SOX5: variants seen among roughly 807,000 people sequenced by gnomAD.
SOX5 encodes the protein transcription factor SOX-5.
SOX5 carries 9 observed loss-of-function variants against 92.0 expected under a neutral mutation model. The ratio of observed to expected loss-of-function variants is 0.10; its 90% CI spans 0.06 to 0.17. The LOEUF is 0.17. Ranked by LOEUF, SOX5 falls within the 10% of genes least tolerant of loss-of-function variation. The probability of loss-of-function intolerance (pLI) is 1.00; values close to 1 mark genes in which losing one functional copy is unlikely to be tolerated. For missense variants in SOX5, 642 were observed against 944.5 expected, an observed-to-expected ratio of 0.68 and a Z score of 4.20; for synonymous variants, 344 against 336.3, an observed-to-expected ratio of 1.02 and a Z score of -0.25.
At chr12:24,292,706 T>C (rs1355976682) in intron 2 of SOX5, among the ~76,000 whole-genome samples, 1 of 152,234 alleles carries the variant, frequency 6.6e-6, no homozygotes, top group Non-Finnish European at 1.5e-5. Flanking sequence ...CTTCCATCTT[T>C]ACAACTGGAT....
At chr12:24,384,156 T>C (rs1188236881) in intron 1 of SOX5, among the ~76,000 whole-genome samples, 2 of 152,224 alleles carry the variant, frequency 1.3e-5, no homozygotes, top group African/African-American at 4.8e-5. Context: ...AATTACCCAG[T>C]CTCAGATATT....
In SOX5 at chr12:23,644,630, G is replaced by A. The variant is rs571495484; in HGVS notation, c.932-3733C>T. On this transcript the variant is annotated intron_variant, in intron 7 of 14. Coordinates refer to ENST00000451604, the MANE Select transcript of SOX5 (RefSeq NM_006940.6). ...TATGTAGAAAAATTATACCATGCTCGTATGCTAATGAGAAAGATTCAGTAA... is the reference window on the plus strand; with the variant it reads ...TATGTAGAAAAATTATACCATGCTCATATGCTAATGAGAAAGATTCAGTAA... Among the ~76,000 whole-genome samples the A allele has an allele frequency of 5.9e-5, 9 of 152,238 alleles. No homozygotes were observed. In the East Asian group the frequency reaches 7.7e-4, roughly 13 times the overall value.
chr12:23,984,079 C>G (rs1949844530), intron 4 of SOX5, among the ~76,000 whole-genome samples: 1 of 152,082 alleles, frequency 6.6e-6, no homozygotes, highest in African/African-American at 2.4e-5. Context: ...TCTCTCAATA[C>G]TTCATTCCTC....
chr12:23,708,330 A>C (rs1274213955), intron 6 of SOX5, among the ~76,000 whole-genome samples: 1 of 152,020 alleles, frequency 6.6e-6, no homozygotes, highest in African/African-American at 2.4e-5. Context: ...AAAAAAAAAC[A>C]AACACAGAGG....
intron 1 of SOX5, among the ~76,000 whole-genome samples, chr12:24,492,315 C>T (rs1947175238): frequency 6.6e-6 from 1 of 152,124 alleles, no homozygotes; most frequent in Non-Finnish European, 1.5e-5. Flanking sequence ...CTCATTCCCC[C>T]AATTTAAAGG....
chr12:23,652,517 G>GTTTTTTTTTTT lies in SOX5; in HGVS notation c.932-11631_932-11621dup, dbSNP rs3030242. Among the ~76,000 whole-genome samples the GTTTTTTTTTTT allele has an allele frequency of 1.9e-3, 260 of 140,032 alleles. 1 individual carries two copies. The highest frequency in any genetic ancestry group is 6.5e-3 in the African/African-American group (245 of 37,552). 91.9% of individuals were successfully genotyped at this position (140,032 alleles called of 152,430 possible). ...GACTGTAGCCTAGACCTCTTCTACTGTTTTTTTTTTTTTTTGAGCAATTCT... is the reference window on the plus strand; with the variant it reads ...GACTGTAGCCTAGACCTCTTCTACTGTTTTTTTTTTTTTTTTTTTTTTTTTTGAGCAATTCT... On this transcript the variant is annotated intron_variant, in intron 7 of 14. Coordinates refer to ENST00000451604, the MANE Select transcript of SOX5 (RefSeq NM_006940.6).
At chr12:24,518,073 C>CTT (rs59086253) in intron 1 of SOX5, among the ~76,000 whole-genome samples, 1 of 146,074 alleles carries the variant, frequency 6.8e-6, no homozygotes, top group African/African-American at 2.5e-5. Context: ...ACACTTTAGA[C>CTT]TTTTTTTTTT....
chr12:24,243,711 T>A (rs1046685638), intron 3 of SOX5, among the ~76,000 whole-genome samples: 1 of 152,130 alleles, frequency 6.6e-6, no homozygotes, highest in African/African-American at 2.4e-5. Flanking sequence ...TAAGTATACA[T>A]GTGATTATGT....
chr12:23,729,094 T>G (rs547081700), intron 6 of SOX5, among the ~76,000 whole-genome samples: 1 of 152,166 alleles, frequency 6.6e-6, no homozygotes, highest in African/African-American at 2.4e-5. Flanking sequence ...TGCCCATCAT[T>G]GGAAATACAG....
intron 1 of SOX5, among the ~76,000 whole-genome samples, chr12:24,515,830 T>C (rs180771908): frequency 1.4e-4 from 22 of 152,314 alleles, no homozygotes; most frequent in Admixed American, 5.2e-4. Context: ...AACTGTTCAA[T>C]TACAAGCGAG....
chr12:24,404,742 C>T (rs770707231), intron 1 of SOX5, among the ~76,000 whole-genome samples: 8 of 152,124 alleles, frequency 5.3e-5, no homozygotes, highest in Non-Finnish European at 7.3e-5. Flanking sequence ...GAAGTAATTG[C>T]GCTCCTCTGA....
chr12:23,979,258 C>G (rs1393140834), intron 4 of SOX5, among the ~76,000 whole-genome samples: 1 of 152,138 alleles, frequency 6.6e-6, no homozygotes, highest in African/African-American at 2.4e-5. Context: ...GAGTCTTACT[C>G]TGTCAGCCAG....
At chr12:24,287,322 T>C (rs546505118) in intron 2 of SOX5, among the ~76,000 whole-genome samples, 3 of 150,632 alleles carry the variant, frequency 2.0e-5, no homozygotes, top group Admixed American at 6.6e-5. Flanking sequence ...ATATTCATTT[T>C]TGAAAAATTT....
chr12:23,842,841 C>G (rs55928963), intron 3 of SOX5, among the ~76,000 whole-genome samples: 12,831 of 152,150 alleles, frequency 0.084, 739 homozygotes, highest in African/African-American at 0.15. Context: ...GACAATCCAG[C>G]TCTAGTAACA....
chr12:24,051,347 A>T (rs1957550821), intron 4 of SOX5, among the ~76,000 whole-genome samples: 1 of 152,176 alleles, frequency 6.6e-6, no homozygotes, highest in Admixed American at 6.5e-5. Context: ...GAAACAATCG[A>T]GATAGTCTAG....
At chr12:24,037,909 C>A (rs1956197013) in intron 4 of SOX5, among the ~76,000 whole-genome samples, 1 of 152,058 alleles carries the variant, frequency 6.6e-6, no homozygotes, top group Admixed American at 6.6e-5. Context: ...TTACACAGAA[C>A]ACTGATGAAG....
At position 23,835,527 on chromosome 12, in the gene SOX5, G is replaced by A. The variant is rs114649629; in HGVS notation, c.481+10456C>T. On this transcript the variant is annotated intron_variant, in intron 3 of 14. Transcript: ENST00000451604. ...TTTCTAAAATGAGTTTTTTCTTAAG[G>A]TACCCTCCAAGGCATTATTTTTGAG... 5.4e-3 allele frequency among the ~76,000 whole-genome samples: 813 copies of A among 151,562 alleles called. 8 individuals are homozygous for A. The highest frequency in any genetic ancestry group is 0.018 in the African/African-American group (755 of 41,394).
At chr12:23,649,099 G>A (rs2081238234) in intron 7 of SOX5, among the ~76,000 whole-genome samples, 1 of 151,932 alleles carries the variant, frequency 6.6e-6, no homozygotes, top group African/African-American at 2.4e-5. Context: ...ACAACAAAGT[G>A]AATACAAATA....
chr12:23,689,388 C>T (rs766423341), intron 6 of SOX5, among the ~76,000 whole-genome samples: 5 of 152,094 alleles, frequency 3.3e-5, no homozygotes, highest in Admixed American at 1.3e-4. Flanking sequence ...TGACTCAGGG[C>T]TGCTGCTTCT....
Sources: allele counts gnomAD v4.1 joint callset (sites outside exome capture counted in the v4.1 genomes callset), GRCh38; gene constraint gnomAD v4.1.1; transcripts MANE v1.5; gene names NCBI Gene and HGNC (gene_info 2026-07-23, HGNC 2026-07-21).